The following UNC13D variants were observed in gnomAD, a reference collection of about 807,000 sequenced individuals.
UNC13D encodes the protein unc-13 homolog D, also known as protein unc-13 homolog D.
A neutral mutation model predicts 151.7 loss-of-function variants in UNC13D; 115 were observed. The ratio of observed to expected loss-of-function variants is 0.76; its 90% CI spans 0.65 to 0.88. The LOEUF (loss-of-function observed/expected upper bound fraction) is 0.88, where lower values mean the gene tolerates loss of function less well. UNC13D is among the 40% of genes least tolerant of loss of function. UNC13D has a pLI of 0.00. For synonymous variants in UNC13D, 588 were observed against 612.2 expected, an observed-to-expected ratio of 0.96 and a Z score of 0.58; for missense variants, 1,369 against 1,438.7, an observed-to-expected ratio of 0.95 and a Z score of 0.78.
Position 75,827,343 on chromosome 17 carries a change from T to G in UNC13D, c.*622A>C. On this transcript the variant is annotated 3_prime_UTR_variant, in exon 32 of 32. Coordinates refer to ENST00000207549, the MANE Select transcript of UNC13D (RefSeq NM_199242.3). ...GACACAGCAGCCAAACTGTCCTTTCTGCTTCCGTCTGTCTGTGCCAGCCCT... is the reference window on the plus strand; with the variant it reads ...GACACAGCAGCCAAACTGTCCTTTCGGCTTCCGTCTGTCTGTGCCAGCCCT... 9.2e-7 allele frequency: 1 copy of G among 1,090,092 alleles called. No homozygotes were observed. Among genetic ancestry groups the G allele is most frequent in the Non-Finnish European group, 1.2e-6 (1 of 813,612 alleles). 67.5% of individuals were successfully genotyped at this position (1,090,092 alleles called of 1,614,324 possible).
Position 75,831,324 on chromosome 17 carries a change from G to A in UNC13D, c.2472C>T (p.His824=). 6.2e-7 allele frequency: 1 copy of A among 1,612,530 alleles called. No individual in the cohort carries two copies. Among genetic ancestry groups the A allele is most frequent in the Non-Finnish European group, 8.5e-7 (1 of 1,180,020 alleles). ...FSSLLTLLWT[H]TLTVLVEAAA... ...CCGCCTCCACCAGCACTGTGAGTGT[G>A]TGGGTCCAGAGCAGGGTCAGGAGGC... Residue 824 remains histidine (H), a synonymous_variant, in exon 26 of 32, where the codon CAC becomes CAT. Coordinates refer to ENST00000207549, the MANE Select transcript of UNC13D (RefSeq NM_199242.3).
chr17:75,843,509 G>A lies in UNC13D; in HGVS notation c.128C>T (p.Pro43Leu), dbSNP rs1167822487. The A allele has an allele frequency of 6.2e-7, 1 of 1,611,600 alleles. No homozygotes were observed. Residue 43 changes from proline (P) to leucine (L), a missense_variant, in exon 2 of 32, where the codon CCA becomes CTA. By Grantham distance (98) the Pro-to-Leu change is moderately conservative. This residue lies in a region of UNC13D where 550 missense variants were observed against 609.0 expected (regional missense o/e 0.90). Transcript: ENST00000207549. ...CTGCTCGGGGGAGAAGTGGTGGGAT[G>A]GAGGCTGGATCTGCAGAGCAAGGTG... is the stretch of plus-strand genomic sequence containing the variant. Reference protein sequence around the residue: ...PPQMAPEIQPPSHHFSPEQRA... With the variant: ...PPQMAPEIQPLSHHFSPEQRA...
chr17:75,843,845 C>T lies in UNC13D; in HGVS notation c.118-326G>A, dbSNP rs553222141. On this transcript the variant is annotated intron_variant, in intron 1 of 31. Transcript: ENST00000207549. The stretch of plus-strand genomic sequence containing the variant: ...CAGCAGCGGAAGTGAGGCTCGGCAG[C>T]GGAGGTGAGGGGGGTGCCACGTCGG... 3.7e-3 allele frequency: 5,136 copies of T among 1,372,752 alleles called. 17 individuals carry two copies. Among genetic ancestry groups the T allele is most frequent in the Non-Finnish European group, 4.6e-3 (4,838 of 1,060,092 alleles). 85.0% of individuals were successfully genotyped at this position (1,372,752 alleles called of 1,614,324 possible).
At chr17:75,843,795 T>G in intron 1 of UNC13D, 1 of 1,395,730 alleles carries the variant, frequency 7.2e-7, no homozygotes, top group Non-Finnish European at 9.3e-7. Context: ...ACAGCTCTGC[T>G]TATCAGTGGC....
At chr17:75,831,684 C>T (rs760166630) in intron 25 of UNC13D, 12 of 366,092 alleles carry the variant, frequency 3.3e-5, no homozygotes, top group Admixed American at 8.4e-5. Flanking sequence ...AGAACCAGGC[C>T]GGGCGTGGTG....
chr17:75,838,883 G>T (rs1169263667), intron 12 of UNC13D, among the ~76,000 whole-genome samples: 1 of 152,010 alleles, frequency 6.6e-6, no homozygotes, highest in African/African-American at 2.4e-5. Flanking sequence ...GGCGGATCAT[G>T]AGGTCAGGAG....
Position 75,840,851 on chromosome 17 carries a change from G to A in UNC13D, c.615-21C>T. Reference sequence around the variant, plus strand: ...GGTCCCTGGCAGGACAGAGGTTTGAGAAGGAAGCAGAGAGAGTGCCTACGA... The same window carrying A: ...GGTCCCTGGCAGGACAGAGGTTTGAAAAGGAAGCAGAGAGAGTGCCTACGA... On this transcript the variant is annotated intron_variant, in intron 7 of 31. Coordinates refer to ENST00000207549, the MANE Select transcript of UNC13D (RefSeq NM_199242.3). This position sits in a 1 kb window ranked among gnomAD's most constrained non-coding sequence, Gnocchi z 4.6. The A allele has an allele frequency of 6.2e-7, 1 of 1,614,112 alleles. No individual in the cohort carries two copies. Among genetic ancestry groups the A allele is most frequent in the Non-Finnish European group, 8.5e-7 (1 of 1,180,028 alleles).
chr17:75,828,377 C>CAAGTTAACCTTT (rs2062138587), intron 31 of UNC13D, among the ~76,000 whole-genome samples: 2 of 152,336 alleles, frequency 1.3e-5, no homozygotes, highest in East Asian at 1.9e-4. Context: ...CTAAAGCTAG[C>CAAGTTAACCTTT]AAGTTAACCT....
In UNC13D at chr17:75,836,931, G is replaced by A. The variant is rs141030299; in HGVS notation, c.1056-13C>T. ...GGCCAGCCACTGCCTGCAGGGGACA[G>A]GAAGCCCTCAGCTGGACAGGGAGGA... On this transcript the variant is annotated splice_polypyrimidine_tract_variant and intron_variant, in intron 12 of 31. Transcript: ENST00000207549. 1.4e-3 allele frequency: 2,248 copies of A among 1,611,906 alleles called. 70 individuals are homozygous for A. In the East Asian group the frequency reaches 0.042, roughly 30 times the overall value.
rs1480687925 is a variant in UNC13D at position 75,832,885 on chromosome 17, G to A, written c.2447+81C>T. 1.2e-5 allele frequency: 17 copies of A among 1,382,890 alleles called. No homozygotes were observed. The highest frequency in any genetic ancestry group is 1.7e-5 in the Non-Finnish European group (17 of 1,002,164). The allele number at this position is 1,382,890 out of a possible 1,614,324, so 85.7% of individuals were successfully genotyped here. A position where few individuals can be genotyped will look rare whatever the true frequency, so the allele number is the denominator to read the frequency against. On this transcript the variant is annotated intron_variant, in intron 25 of 31. Coordinates refer to ENST00000207549, the MANE Select transcript of UNC13D (RefSeq NM_199242.3). This position sits in a 1 kb window ranked among gnomAD's most constrained non-coding sequence, Gnocchi z 4.3. ...AGGGGCTGCTACACCCCTCAGAACGGATGCTGGGGCCCAGGAAGGAGGGGC... is the reference window on the plus strand; with the variant it reads ...AGGGGCTGCTACACCCCTCAGAACGAATGCTGGGGCCCAGGAAGGAGGGGC...
chr17:75,839,825 G>C lies in UNC13D; in HGVS notation c.1055+14C>G, dbSNP rs764734669. ...CTGGTGGCTCAGGGGTTCTGCCCAG[G>C]GCTGTGTACTCACGCCATGGACTGG... On this transcript the variant is annotated intron_variant, in intron 12 of 31. Coordinates refer to ENST00000207549, the MANE Select transcript of UNC13D (RefSeq NM_199242.3). 1 of 1,613,182 alleles carries C rather than the reference G, an allele frequency of 6.2e-7. No homozygotes were observed. The highest frequency in any genetic ancestry group is 8.5e-7 in the Non-Finnish European group (1 of 1,179,756).
chr17:75,835,919 C>G lies in UNC13D; in HGVS notation c.1545-13G>C, dbSNP rs755145802. Reference sequence around the variant, plus strand: ...GATCTTGAGGGTACTGGAGGAAAGGCAGCAGGTGTCACCCAGTGGCATACA... The same window carrying G: ...GATCTTGAGGGTACTGGAGGAAAGGGAGCAGGTGTCACCCAGTGGCATACA... On this transcript the variant is annotated splice_polypyrimidine_tract_variant and intron_variant, in intron 17 of 31. Coordinates refer to ENST00000207549, the MANE Select transcript of UNC13D (RefSeq NM_199242.3). 12 of 1,614,188 alleles carry G rather than the reference C, an allele frequency of 7.4e-6. 1 individual carries two copies. In the Admixed American group the frequency reaches 2.0e-4, roughly 27 times the overall value.
In UNC13D at chr17:75,835,895, A is replaced by G. The variant is rs1402195363; in HGVS notation, c.1556T>C (p.Ile519Thr). The part of the protein sequence containing the change: ...WDKIFHNTLK[I>T]HLFSMAFREL... ...CCGGAAAGCCATGGAGAAGAGGTGG[A>G]TCTTGAGGGTACTGGAGGAAAGGCA... Residue 519 changes from isoleucine (I) to threonine (T), a missense_variant, in exon 18 of 32, where the codon ATC becomes ACC. Around this residue, in one of 3 missense-constraint regions of UNC13D, gnomAD observed 807 missense variants for 795.5 expected, o/e 1.01. Transcript: ENST00000207549. 1 of 1,614,170 alleles carries G rather than the reference A, an allele frequency of 6.2e-7. No individual in the cohort carries two copies. The highest frequency in any genetic ancestry group is 8.5e-7 in the Non-Finnish European group (1 of 1,180,030).
At chr17:75,838,373 C>G (rs543051907) in intron 12 of UNC13D, among the ~76,000 whole-genome samples, 2 of 152,242 alleles carry the variant, frequency 1.3e-5, no homozygotes, top group South Asian at 4.1e-4. Flanking sequence ...CATGCGCCCC[C>G]ACACCTGACT....
chr17:75,831,072 CG>C (rs1232401687), intron 27 of UNC13D, 25 bp downstream of exon 27: 4 of 1,613,330 alleles, frequency 2.5e-6, no homozygotes, highest in Non-Finnish European at 3.4e-6. Flanking sequence ...AGACTTCCTA[CG>C]GGGAAGCTCA....
intron 27 of UNC13D, among the ~76,000 whole-genome samples, 196 bp downstream of exon 27, chr17:75,830,902 G>T (rs1374922461): frequency 6.6e-6 from 1 of 152,226 alleles, no homozygotes; most frequent in African/African-American, 2.4e-5. Context: ...CAGGGCCCCT[G>T]TGCTTAGGAG....
intron 31 of UNC13D, 53 bp downstream of exon 31, chr17:75,828,734 T>C (rs945093660): frequency 8.2e-6 from 12 of 1,460,082 alleles, no homozygotes; most frequent in Non-Finnish European, 1.0e-5. Context: ...GGCCCCTGCC[T>C]GAGCTTTACA....
In UNC13D at chr17:75,834,978, C is replaced by T. The variant is rs371162326; in HGVS notation, c.1934G>A (p.Arg645Gln). 58 of 1,614,072 alleles carry T rather than the reference C, an allele frequency of 3.6e-5. 1 individual carries two copies. Among genetic ancestry groups the T allele is most frequent in the South Asian group, 7.7e-5 (7 of 91,080 alleles). The change falls in exon 21 of 32, where the codon CGG (arginine) becomes CAG (glutamine). Residue 645 changes from arginine (R) to glutamine (Q), a missense_variant. This residue lies in a region of UNC13D where 807 missense variants were observed against 795.5 expected (regional missense o/e 1.01). Transcript: ENST00000207549. ...CTCTGGGTCTGGCCAGTCCAGCTGCCGGGCAGTGTGGCTGATCTGGGCAAA... is the reference window on the plus strand; with the variant it reads ...CTCTGGGTCTGGCCAGTCCAGCTGCTGGGCAGTGTGGCTGATCTGGGCAAA... ...TCFAQISHTA[R>Q]QLDWPDPEEA... is the part of the protein sequence containing the mutation.
rs2064877322 is a variant in UNC13D, at chr17:75,832,175, G to A, written c.2447+791C>T. 1 of 152,176 alleles carries A rather than the reference G, an allele frequency of 6.6e-6. No individual in the cohort carries two copies. The highest frequency in any genetic ancestry group is 1.5e-5 in the Non-Finnish European group (1 of 68,054). 9.4% of individuals were successfully genotyped at this position (152,176 alleles called of 1,614,324 possible). ...AAATAAAAACGGCCGGGCTCCGAGG[G>A]GCCCTGGCTTATACCTCTGGGGGTG... On this transcript the variant is annotated intron_variant, in intron 25 of 31. Coordinates refer to ENST00000207549, the MANE Select transcript of UNC13D (RefSeq NM_199242.3). The surrounding 1 kb of genome is among the most constrained non-coding windows in gnomAD (Gnocchi z 4.3).
Sources: gnomAD v4.1 joint callset for allele counts (sites outside exome capture counted in the v4.1 genomes callset) on GRCh38, gnomAD v4.1.1 for gene constraint, gnomAD v4.1.1 regional missense constraint, Gnocchi (gnomAD v3.1) non-coding constraint, MANE v1.5 for transcripts, NCBI Gene and HGNC (gene_info 2026-07-23, HGNC 2026-07-21) for gene names.